The following CDKAL1 variants were observed in gnomAD, a reference collection of about 807,000 sequenced individuals.
The protein encoded by CDKAL1 is threonylcarbamoyladenosine tRNA methylthiotransferase.
CDKAL1 carries 32 observed loss-of-function variants against 68.2 expected under a neutral mutation model. That is an observed-to-expected ratio of 0.47 (90% CI 0.35 to 0.63). The LOEUF (loss-of-function observed/expected upper bound fraction) is 0.63. Among genes scored for constraint, CDKAL1 ranks in the 30% least tolerant of loss-of-function variants. The pLI is 0.00. For missense variants in CDKAL1, 606 were observed against 696.7 expected (o/e 0.87, Z 1.47); for synonymous variants, 234 against 244.3 (o/e 0.96, Z 0.39).
intron 4 of CDKAL1, among the ~76,000 whole-genome samples, chr6:20,612,175 C>G (rs1389273754): frequency 6.6e-6 from 1 of 152,200 alleles, no homozygotes; most frequent in Non-Finnish European, 1.5e-5. Flanking sequence ...AGGTTGATTT[C>G]ATAGCTTTGC....
At chr6:20,678,420 G>A (rs1436824090) in intron 5 of CDKAL1, among the ~76,000 whole-genome samples, 1 of 152,086 alleles carries the variant, frequency 6.6e-6, no homozygotes, top group African/African-American at 2.4e-5. Context: ...CATGTTTCTG[G>A]TATGTGGAAT....
At chr6:21,082,122 G>A (rs1278061689) in intron 12 of CDKAL1, among the ~76,000 whole-genome samples, 1 of 152,144 alleles carries the variant, frequency 6.6e-6, no homozygotes, top group Non-Finnish European at 1.5e-5. Flanking sequence ...TCAAATATGA[G>A]CAAATAAGCA....
intron 13 of CDKAL1, among the ~76,000 whole-genome samples, chr6:21,183,189 AT>A (rs1777861893): frequency 6.6e-6 from 1 of 151,802 alleles, no homozygotes; most frequent in Admixed American, 6.6e-5. Flanking sequence ...ACTGAAAAAA[AT>A]GAATTGCAGA....
In CDKAL1 at chr6:21,198,018, C is replaced by A. The variant is rs747059531; in HGVS notation, c.1300-3C>A. 3 of 1,586,218 alleles carry A rather than the reference C, an allele frequency of 1.9e-6. No homozygotes were observed. Among genetic ancestry groups the A allele is most frequent in the South Asian group, 1.1e-5 (1 of 87,224 alleles). On this transcript the variant is annotated splice_region_variant and splice_polypyrimidine_tract_variant and intron_variant, in intron 13 of 15. Coordinates refer to ENST00000274695, the MANE Select transcript of CDKAL1 (RefSeq NM_017774.3). ...CTTTCTTTCCCTCCCCTTCTCTCCA[C>A]AGATTGGTGAAAGACAACAAGTGTT...
chr6:20,994,867 A>T (rs929598801), intron 10 of CDKAL1, among the ~76,000 whole-genome samples: 1 of 152,230 alleles, frequency 6.6e-6, no homozygotes, highest in South Asian at 2.1e-4. Flanking sequence ...CTATGGACTT[A>T]TCAGAGTGGT....
At chr6:21,157,697 A>G (rs1776712690) in intron 13 of CDKAL1, among the ~76,000 whole-genome samples, 1 of 152,242 alleles carries the variant, frequency 6.6e-6, no homozygotes, top group African/African-American at 2.4e-5. Context: ...TACATCTACC[A>G]GTCACCTAAC....
chr6:21,155,565 G>A lies in CDKAL1; in HGVS notation c.1300-42456G>A, dbSNP rs1236284800. Among the ~76,000 whole-genome samples the A allele has an allele frequency of 2.0e-5, 3 of 152,282 alleles. No homozygotes were observed. In the East Asian group the frequency reaches 5.8e-4, roughly 29 times the overall value. On this transcript the variant is annotated intron_variant, in intron 13 of 15. Coordinates refer to ENST00000274695, the MANE Select transcript of CDKAL1 (RefSeq NM_017774.3). ...CTTAGTACATTTTCTGTCTTGAGAC[G>A]GTGAAAGCTCTTTAAGAGCAGGCAC...
At chr6:20,618,840 A>G (rs768991665) in intron 4 of CDKAL1, among the ~76,000 whole-genome samples, 2 of 151,624 alleles carry the variant, frequency 1.3e-5, no homozygotes, top group Non-Finnish European at 2.9e-5. Flanking sequence ...CACCACACCT[A>G]CCTAATTTTT....
At chr6:20,836,704 C>T (rs896485699) in intron 8 of CDKAL1, among the ~76,000 whole-genome samples, 2 of 152,014 alleles carry the variant, frequency 1.3e-5, no homozygotes, top group African/African-American at 2.4e-5. Context: ...CCTTTAAATA[C>T]ATCTTGTATT....
intron 9 of CDKAL1, among the ~76,000 whole-genome samples, chr6:20,934,079 G>T (rs1763592563): frequency 1.3e-5 from 2 of 152,240 alleles, no homozygotes; most frequent in South Asian, 4.1e-4. Context: ...ATTGACACAG[G>T]TTGTAAAACA....
intron 10 of CDKAL1, among the ~76,000 whole-genome samples, chr6:20,972,837 C>T (rs1324673478): frequency 1.3e-5 from 2 of 152,190 alleles, no homozygotes; most frequent in Non-Finnish European, 2.9e-5. Flanking sequence ...TTGTGGAGCA[C>T]TGGACAGATT....
At chr6:20,668,434 C>G (rs1046290960) in intron 5 of CDKAL1, among the ~76,000 whole-genome samples, 1 of 152,152 alleles carries the variant, frequency 6.6e-6, no homozygotes, top group Non-Finnish European at 1.5e-5. Context: ...TGGGCTAAAG[C>G]CATCTTTCTG....
At chr6:20,934,814 C>T (rs1763624696) in intron 9 of CDKAL1, among the ~76,000 whole-genome samples, 1 of 152,076 alleles carries the variant, frequency 6.6e-6, no homozygotes, top group Non-Finnish European at 1.5e-5. Context: ...CGCCACTGTA[C>T]TCCAGCCTGT....
chr6:20,726,961 C>A (rs912385785), intron 5 of CDKAL1, among the ~76,000 whole-genome samples: 1 of 152,128 alleles, frequency 6.6e-6, no homozygotes, highest in Non-Finnish European at 1.5e-5. Flanking sequence ...TATAAACTAG[C>A]TGAAACTGGT....
intron 15 of CDKAL1, among the ~76,000 whole-genome samples, chr6:21,213,083 A>C (rs1301117803): frequency 6.6e-6 from 1 of 151,556 alleles, no homozygotes; most frequent in East Asian, 1.9e-4. Flanking sequence ...TCCGTTTTGA[A>C]GGAATAGAGT....
chr6:20,708,547 C>A (rs1210813316), intron 5 of CDKAL1, among the ~76,000 whole-genome samples: 1 of 152,094 alleles, frequency 6.6e-6, no homozygotes, highest in Admixed American at 6.5e-5. Context: ...GGGCTGGGAA[C>A]TTTGGTCTTT....
At chr6:21,027,535 T>C (rs1169896352) in intron 11 of CDKAL1, among the ~76,000 whole-genome samples, 1 of 152,202 alleles carries the variant, frequency 6.6e-6, no homozygotes, top group Non-Finnish European at 1.5e-5. Context: ...AGAGAGAGAT[T>C]TAAGTGATCA....
intron 13 of CDKAL1, among the ~76,000 whole-genome samples, chr6:21,180,058 C>T (rs1777731114): frequency 6.6e-6 from 1 of 152,116 alleles, no homozygotes; most frequent in Admixed American, 6.6e-5. Context: ...CCATTATAAA[C>T]TATGTGATTC....
chr6:21,104,140 C>T (rs1773726158), intron 12 of CDKAL1, among the ~76,000 whole-genome samples: 3 of 152,180 alleles, frequency 2.0e-5, no homozygotes, highest in Admixed American at 1.3e-4. Flanking sequence ...AGTGTGAATA[C>T]AGACGGCTCT....
Sources: gnomAD v4.1 joint callset for allele counts (sites outside exome capture counted in the v4.1 genomes callset) on GRCh38, gnomAD v4.1.1 for gene constraint, MANE v1.5 for transcripts, NCBI Gene and HGNC (gene_info 2026-07-23, HGNC 2026-07-21) for gene names.